TDRP: variants seen among roughly 807,000 people sequenced by gnomAD.
TDRP encodes the protein testis development related protein, also known as testis development-related protein.
TDRP carries 12 observed loss-of-function variants against 10.5 expected under a neutral mutation model. The ratio of observed to expected loss-of-function variants is 1.15; its 90% CI spans 0.73 to 1.86. The LOEUF is 1.86. Ranked by LOEUF, TDRP falls within the 40% of genes most tolerant of loss-of-function variation. The pLI, the probability that TDRP is intolerant of heterozygous loss-of-function variation, is 0.00. For synonymous variants in TDRP, 139 were observed against 95.4 expected, an observed-to-expected ratio of 1.46 and a Z score of -2.67; for missense variants, 353 against 229.2, an observed-to-expected ratio of 1.54 and a Z score of -3.49.
intron 1 of TDRP, among the ~76,000 whole-genome samples, chr8:534,451 C>G (rs1242939168): frequency 2.0e-5 from 3 of 152,182 alleles, no homozygotes; most frequent in Non-Finnish European, 4.4e-5. Context: ...TTCATTCACA[C>G]CGAACTCTCA....
intron 1 of TDRP, among the ~76,000 whole-genome samples, chr8:542,415 C>G (rs533682316): frequency 6.6e-6 from 1 of 151,982 alleles, no homozygotes; most frequent in East Asian, 1.9e-4. Context: ...TTGTAACAAA[C>G]GCACCATTCT....
Position 544,687 on chromosome 8 carries a change from C to T in TDRP, c.71G>A (p.Gly24Glu). Residue 24 changes from glycine (G) to glutamate (E), a missense_variant, in exon 1 of 3, where the codon GGG becomes GAG. Transcript: ENST00000324079. ...PPEEEDGLRG[G>E]PPPAAAAAAQ... is the part of the protein sequence containing the mutation. ...GGCGGCGGCGGCGGCCGGTGGCGGC[C>T]CCCCACGCAGGCCGTCCTCCTCCTC... 4.0e-6 allele frequency: 5 copies of T among 1,245,576 alleles called. No homozygotes were observed. Among genetic ancestry groups the T allele is most frequent in the Non-Finnish European group, 5.0e-6 (5 of 995,914 alleles). 77.2% of individuals were successfully genotyped at this position (1,245,576 alleles called of 1,614,324 possible).
In TDRP at chr8:492,243, T is replaced by C; in HGVS notation, c.*156A>G. The C allele has an allele frequency of 7.5e-7, 1 of 1,340,624 alleles. No individual in the cohort carries two copies. The highest frequency in any genetic ancestry group is 9.5e-7 in the Non-Finnish European group (1 of 1,050,058). The allele number at this position is 1,340,624 out of a possible 1,614,324, so 83.0% of individuals were successfully genotyped here. ...GTGTTCACCAAGGAGTCACAGTGTG[T>C]GTGAGAGTTCATTAAATAAAGAAAC... On this transcript the variant is annotated 3_prime_UTR_variant, in exon 3 of 3. Coordinates refer to ENST00000324079, the MANE Select transcript of TDRP (RefSeq NM_001384899.1).
chr8:514,576 T>C (rs533622428), intron 1 of TDRP, among the ~76,000 whole-genome samples: 1 of 152,214 alleles, frequency 6.6e-6, no homozygotes. Context: ...ACACATGACC[T>C]TAGCTCTGTG....
upstream of TDRP, chr8:544,841 G>T (rs1584890310): frequency 2.9e-6 from 3 of 1,043,490 alleles, no homozygotes; most frequent in South Asian, 4.8e-5. Flanking sequence ...CTCTGCCTGC[G>T]GCTCCTGCGG....
At chr8:526,287 C>CA (rs775940565) in intron 1 of TDRP, among the ~76,000 whole-genome samples, 8 of 152,142 alleles carry the variant, frequency 5.3e-5, no homozygotes, top group Non-Finnish European at 7.3e-5. Context: ...TGTGAGCCAC[C>CA]ATGCCCAGAC....
At chr8:504,663 G>C (rs1406900505) in intron 1 of TDRP, among the ~76,000 whole-genome samples, 1 of 152,170 alleles carries the variant, frequency 6.6e-6, no homozygotes, top group African/African-American at 2.4e-5. Context: ...TGGTGAACTG[G>C]CAATTCTTGT....
chr8:543,638 T>C (rs1802558436), intron 1 of TDRP, among the ~76,000 whole-genome samples: 1 of 151,942 alleles, frequency 6.6e-6, no homozygotes, highest in African/African-American at 2.4e-5. Context: ...ATTTAAGCGC[T>C]TAACATAATC....
intron 1 of TDRP, among the ~76,000 whole-genome samples, chr8:536,639 C>A (rs966853757): frequency 5.3e-5 from 8 of 152,152 alleles, no homozygotes; most frequent in African/African-American, 1.9e-4. Flanking sequence ...GGATCTCTAA[C>A]AAATTTTATA....
chr8:497,899 C>T (rs1801178410), intron 1 of TDRP, among the ~76,000 whole-genome samples: 1 of 152,208 alleles, frequency 6.6e-6, no homozygotes, highest in African/African-American at 2.4e-5. Flanking sequence ...GCCATGACTT[C>T]AGAGGGTGCA....
chr8:491,834 TAC>T lies in TDRP; in HGVS notation c.*563_*564del. On this transcript the variant is annotated 3_prime_UTR_variant, in exon 3 of 3. Coordinates refer to ENST00000324079, the MANE Select transcript of TDRP (RefSeq NM_001384899.1). ...CAAAAGATGAACATGCATTTTAAGA[TAC>T]ATTTTACTCCCAAATATAAGCTTTG... The T allele has an allele frequency of 8.1e-7, 1 of 1,232,742 alleles. No individual in the cohort carries two copies. Among genetic ancestry groups the T allele is most frequent in the Non-Finnish European group, 1.0e-6 (1 of 987,452 alleles). 76.4% of individuals were successfully genotyped at this position (1,232,742 alleles called of 1,614,324 possible). A position where few individuals can be genotyped will look rare whatever the true frequency, so the allele number is the denominator to read the frequency against.
intron 1 of TDRP, among the ~76,000 whole-genome samples, chr8:495,224 A>T (rs1801092360): frequency 6.6e-6 from 1 of 152,094 alleles, no homozygotes; most frequent in Non-Finnish European, 1.5e-5. Context: ...ACAGAGCAAG[A>T]CCCCATCTCA....
At chr8:543,011 AAAGT>A (rs1302047123) in intron 1 of TDRP, among the ~76,000 whole-genome samples, 2 of 151,036 alleles carry the variant, frequency 1.3e-5, no homozygotes, top group African/African-American at 4.9e-5. Flanking sequence ...GAAATTTTTC[AAAGT>A]AAGAACTTAA....
At chr8:495,275 C>A (rs770909965) in intron 1 of TDRP, among the ~76,000 whole-genome samples, 2 of 152,164 alleles carry the variant, frequency 1.3e-5, no homozygotes, top group Non-Finnish European at 2.9e-5. Context: ...ACATAGGAGA[C>A]TGACCTTTGA....
chr8:533,008 G>A (rs1398079773), intron 1 of TDRP, among the ~76,000 whole-genome samples: 1 of 152,126 alleles, frequency 6.6e-6, no homozygotes, highest in Non-Finnish European at 1.5e-5. Context: ...AGGAAGTCTG[G>A]AGAGAGGAAC....
intron 1 of TDRP, among the ~76,000 whole-genome samples, chr8:535,236 C>T (rs1802314552): frequency 6.6e-6 from 1 of 152,152 alleles, no homozygotes; most frequent in African/African-American, 2.4e-5. Context: ...CACACACTCG[C>T]CTGGTTCCCA....
intron 1 of TDRP, among the ~76,000 whole-genome samples, chr8:529,439 T>C (rs749323263): frequency 2.3e-4 from 35 of 152,236 alleles, no homozygotes; most frequent in Admixed American, 2.3e-3. Context: ...ATTCTGTTTT[T>C]GTCCACATAT....
chr8:528,417 C>G (rs1416710669), intron 1 of TDRP, among the ~76,000 whole-genome samples: 1 of 130,936 alleles, frequency 7.6e-6, no homozygotes, highest in African/African-American at 2.6e-5. Context: ...GATATATACC[C>G]AAAAGAAAGG....
chr8:501,549 G>C (rs1049521989), intron 1 of TDRP, among the ~76,000 whole-genome samples: 6 of 152,024 alleles, frequency 3.9e-5, no homozygotes, highest in African/African-American at 1.4e-4. Flanking sequence ...GTTTCACTAT[G>C]TTGGCCCGGC....
Sources: allele counts gnomAD v4.1 joint callset (sites outside exome capture counted in the v4.1 genomes callset), GRCh38; gene constraint gnomAD v4.1.1; transcripts MANE v1.5; gene names NCBI Gene and HGNC (gene_info 2026-07-23, HGNC 2026-07-21).